The following SALL3 variants were observed in gnomAD, a reference collection of about 807,000 sequenced individuals.
SALL3 encodes the protein spalt like transcription factor 3.
In SALL3, 25 loss-of-function variants were observed where a neutral mutation model predicts 66.2. The ratio of observed to expected loss-of-function variants is 0.38; its 90% confidence interval spans 0.28 to 0.53. SALL3 has a LOEUF of 0.53. Among genes scored for constraint, SALL3 ranks in the 20% least tolerant of loss-of-function variants. The probability of loss-of-function intolerance (pLI) is 0.85; values close to 1 mark genes in which losing one functional copy is unlikely to be tolerated. For synonymous variants in SALL3, 1,152 were observed against 899.1 expected (o/e 1.28, Z -5.03); for missense variants, 2,194 against 1,916.5 (o/e 1.14, Z -2.70).
At chr18:78,983,190 C>T (rs938121331) in intron 1 of SALL3, among the ~76,000 whole-genome samples, 1 of 152,134 alleles carries the variant, frequency 6.6e-6, no homozygotes, top group Admixed American at 6.5e-5. Flanking sequence ...AAATTACTTA[C>T]TTGCAAATGA....
At position 78,995,279 on chromosome 18, in the gene SALL3, G is replaced by A. The variant is rs1239244210; in HGVS notation, c.3288G>A (p.Pro1096=). The A allele has an allele frequency of 6.3e-7, 1 of 1,586,410 alleles. No homozygotes were observed. The highest frequency in any genetic ancestry group is 2.3e-5 in the East Asian group (1 of 44,390). ...CCGGGCCTCAGACAGTGATGGGCCC[G>A]GGCCTGGCGCCCATGCTGGCCCCCC... ...VPAGPQTVMG[P]GLAPMLAPPP... Residue 1096 remains proline, a synonymous_variant, in exon 2 of 3, where the codon CCG becomes CCA. Transcript: ENST00000537592.
intron 1 of SALL3, among the ~76,000 whole-genome samples, chr18:78,985,884 A>G (rs1310770064): frequency 1.3e-5 from 2 of 152,252 alleles, no homozygotes; most frequent in African/African-American, 4.8e-5. Context: ...AATGTAAACC[A>G]TCTGCATCTT....
intron 2 of SALL3, among the ~76,000 whole-genome samples, chr18:78,995,942 T>G (rs1041539120): frequency 6.6e-6 from 1 of 152,124 alleles, no homozygotes; most frequent in Non-Finnish European, 1.5e-5. Context: ...TAGGCATTCC[T>G]TAGGGGTGAG....
Position 78,993,052 on chromosome 18 carries a change from C to T in SALL3, c.1061C>T (p.Ala354Val), listed in dbSNP as rs761727616. The T allele has an allele frequency of 3.8e-5, 60 of 1,582,628 alleles. No homozygotes were observed. Among genetic ancestry groups the T allele is most frequent in the Non-Finnish European group, 4.8e-5 (56 of 1,170,882 alleles). ...PALAPGSLLGAAPGLPSPLLP... is the reference protein window; with the variant it reads ...PALAPGSLLGVAPGLPSPLLP... ...CTGGCCCCGGGGTCCCTGCTGGGTG[C>T]GGCGCCCGGCCTGCCAAGTCCGCTT... The change falls in exon 2 of 3, where the codon GCG becomes GTG. Residue 354 changes from alanine to valine, a missense_variant. Physicochemically the swap from Ala to Val is moderately conservative, Grantham distance 64. Coordinates refer to ENST00000537592, the MANE Select transcript of SALL3 (RefSeq NM_171999.4).
At chr18:78,995,531 G>C in intron 2 of SALL3, 69 bp downstream of exon 2, 1 of 1,486,888 alleles carries the variant, frequency 6.7e-7, no homozygotes, top group Non-Finnish European at 8.9e-7. Flanking sequence ...TCCATCACCT[G>C]CCGCAGACAC....
In SALL3 at chr18:78,995,415, G is replaced by C. The variant is rs748568420; in HGVS notation, c.3424G>C (p.Gly1142Arg). Residue 1142 changes from glycine (G) to arginine (R), a missense_variant, in exon 2 of 3, where the codon GGC becomes CGC. Gly to Arg is a moderately radical substitution (Grantham distance 125). Coordinates refer to ENST00000537592, the MANE Select transcript of SALL3 (RefSeq NM_171999.4). ...CACGCACACCGGCGAGAAGCCGTTC[G>C]GCTGCACCATCTGCGGCCGGGCCTT... is the stretch of plus-strand genomic sequence containing the variant. ...ERTHTGEKPF[G>R]CTICGRAFTT... is the part of the protein sequence containing the mutation. 2 of 1,589,284 alleles carry C rather than the reference G, an allele frequency of 1.3e-6. No individual in the cohort carries two copies.
chr18:78,987,584 A>G (rs77134571), intron 1 of SALL3, among the ~76,000 whole-genome samples: 6 of 150,820 alleles, frequency 4.0e-5, no homozygotes, highest in African/African-American at 7.3e-5. Context: ...AATTAAATGG[A>G]AAAAAAAACT....
At chr18:78,981,272 G>C (rs1264277557) in intron 1 of SALL3, among the ~76,000 whole-genome samples, 1 of 152,184 alleles carries the variant, frequency 6.6e-6, no homozygotes, top group African/African-American at 2.4e-5. Context: ...GCGGCGCCCG[G>C]GCTTCGGCGC....
chr18:78,993,463 T>A lies in SALL3; in HGVS notation c.1472T>A (p.Val491Glu), dbSNP rs1285832702. 6.2e-7 allele frequency: 1 copy of A among 1,612,794 alleles called. No individual in the cohort carries two copies. ...PYPVPEYLDN[V>E]PTCSGIPYGM... The stretch of plus-strand genomic sequence containing the variant: ...CCGGTCCCCGAGTACCTGGACAACG[T>A]GCCCACCTGCTCGGGCATCCCCTAC... The change falls in exon 2 of 3, where the codon GTG becomes GAG. Residue 491 changes from valine (V) to glutamate (E), a missense_variant. Val to Glu is a moderately radical substitution (Grantham distance 121, BLOSUM62 -2). Transcript: ENST00000537592.
chr18:78,986,533 G>A (rs1319362792), intron 1 of SALL3, among the ~76,000 whole-genome samples: 2 of 152,096 alleles, frequency 1.3e-5, no homozygotes, highest in Non-Finnish European at 2.9e-5. Context: ...TTTCTTTATG[G>A]GATTCAAAGC....
intron 2 of SALL3, among the ~76,000 whole-genome samples, chr18:78,995,821 C>T (rs888275651): frequency 2.0e-5 from 3 of 152,004 alleles, no homozygotes; most frequent in African/African-American, 7.3e-5. Context: ...CTGTGTGTCC[C>T]TGTGCACACA....
Position 78,997,701 on chromosome 18 carries a change from G to C in SALL3, c.*379G>C, listed in dbSNP as rs1041741217. On this transcript the variant is annotated 3_prime_UTR_variant, in exon 3 of 3. Coordinates refer to ENST00000537592, the MANE Select transcript of SALL3 (RefSeq NM_171999.4). The stretch of plus-strand genomic sequence containing the variant: ...TTGATGGTTTCTTTTGAATTAGTTA[G>C]ACACTTGAACGGTGTTTTTTAGAAC... 2 of 242,888 alleles carry C rather than the reference G, an allele frequency of 8.2e-6. No homozygotes were observed. Among genetic ancestry groups the C allele is most frequent in the East Asian group, 8.3e-5 (1 of 12,052 alleles). The allele number at this position is 242,888 out of a possible 1,614,324, so 15.0% of individuals were successfully genotyped here. A position where few individuals can be genotyped will look rare whatever the true frequency, so the allele number is the denominator to read the frequency against.
rs1380716254 is a variant in SALL3, at chr18:78,992,549, C to G, written c.558C>G (p.Arg186=). The G allele has an allele frequency of 1.3e-6, 2 of 1,497,884 alleles. No homozygotes were observed. The highest frequency in any genetic ancestry group is 1.8e-6 in the Non-Finnish European group (2 of 1,130,884). 92.8% of individuals were successfully genotyped at this position (1,497,884 alleles called of 1,614,324 possible). ...VAVAQFSQGA[R]AAGGSGAGGG... ...TGGCGCAGTTCTCGCAGGGCGCGCG[C>G]GCGGCAGGCGGCTCGGGAGCAGGTG... is the stretch of plus-strand genomic sequence containing the variant. Residue 186 remains arginine (R), a synonymous_variant, in exon 2 of 3, where the codon CGC becomes CGG. Coordinates refer to ENST00000537592, the MANE Select transcript of SALL3 (RefSeq NM_171999.4).
chr18:78,985,176 A>G (rs1280319162), intron 1 of SALL3: 1 of 152,210 alleles, frequency 6.6e-6, no homozygotes, highest in African/African-American at 2.4e-5. Flanking sequence ...CAATTAGTGC[A>G]TCTGTGCTGT....
At position 78,996,971 on chromosome 18, in the gene SALL3, C is replaced by T. The variant is rs777424639; in HGVS notation, c.3552C>T (p.Leu1184=). Residue 1184 remains leucine, a synonymous_variant, in exon 3 of 3, where the codon CTC becomes CTT. Coordinates refer to ENST00000537592, the MANE Select transcript of SALL3 (RefSeq NM_171999.4). ...TGTCTGTGGAGAACCCCATGGCTCT[C>T]CTAGGGGGTGATGCCCTGAAGTTCT... ...RRLSVENPMA[L]LGGDALKFSE... is the part of the protein sequence containing the mutation. The T allele has an allele frequency of 6.2e-6, 10 of 1,613,762 alleles. No homozygotes were observed. Among genetic ancestry groups the T allele is most frequent in the Non-Finnish European group, 8.5e-6 (10 of 1,179,994 alleles).
chr18:78,997,423 T>C lies in SALL3; in HGVS notation c.*101T>C, dbSNP rs1030445642. ...TCGGTTCTCATTACACTTTCACCCA[T>C]AGCAGAAAACACTTTGTGCGGCTGC... On this transcript the variant is annotated 3_prime_UTR_variant, in exon 3 of 3. Transcript: ENST00000537592. The C allele has an allele frequency of 5.7e-6, 7 of 1,226,888 alleles. No homozygotes were observed. The highest frequency in any genetic ancestry group is 2.7e-5 in the South Asian group (2 of 73,406). 76.0% of individuals were successfully genotyped at this position (1,226,888 alleles called of 1,614,324 possible). A position where few individuals can be genotyped will look rare whatever the true frequency, so the allele number is the denominator to read the frequency against.
rs1268940150 is a variant in SALL3 at position 78,992,512 on chromosome 18, C to T, written c.521C>T (p.Thr174Ile). 6.8e-7 allele frequency: 1 copy of T among 1,481,028 alleles called. No individual in the cohort carries two copies. Among genetic ancestry groups the T allele is most frequent in the Non-Finnish European group, 8.9e-7 (1 of 1,120,902 alleles). The allele number at this position is 1,481,028 out of a possible 1,614,324, so 91.7% of individuals were successfully genotyped here. A position where few individuals can be genotyped will look rare whatever the true frequency, so the allele number is the denominator to read the frequency against. ...TNVTLEALLSTKVAVAQFSQG... is the reference protein window; with the variant it reads ...TNVTLEALLSIKVAVAQFSQG... Reference sequence around the variant, plus strand: ...GTGACCCTGGAGGCGCTGCTGAGCACCAAGGTGGCGGTGGCGCAGTTCTCG... The same window carrying T: ...GTGACCCTGGAGGCGCTGCTGAGCATCAAGGTGGCGGTGGCGCAGTTCTCG... Residue 174 changes from threonine to isoleucine, a missense_variant, in exon 2 of 3, where the codon ACC becomes ATC. Thr to Ile is a moderately conservative substitution (Grantham distance 89, BLOSUM62 -1). Transcript: ENST00000537592.
In SALL3 at chr18:78,993,752, C is replaced by T. The variant is rs752063424; in HGVS notation, c.1761C>T (p.Leu587=). Residue 587 remains leucine (L), a synonymous_variant, in exon 2 of 3, where the codon CTC becomes CTT. Transcript: ENST00000537592. ...VSATAESPQS[L]LGGPPLTKAE... ...CCACCGCCGAGTCCCCACAGTCGCT[C>T]CTCGGCGGGCCGCCCCTCACTAAAG... The T allele has an allele frequency of 7.1e-6, 11 of 1,543,168 alleles. No homozygotes were observed. The African/African-American group carries it at 1.1e-4, about 15-fold the overall frequency.
intron 1 of SALL3, among the ~76,000 whole-genome samples, chr18:78,981,829 G>T (rs1259446536): frequency 6.6e-6 from 1 of 151,918 alleles, no homozygotes; most frequent in Non-Finnish European, 1.5e-5. Flanking sequence ...GTTTTGTATC[G>T]CCCTCAATGA....
Sources: gnomAD v4.1 joint callset for allele counts (sites outside exome capture counted in the v4.1 genomes callset) on GRCh38, gnomAD v4.1.1 for gene constraint, MANE v1.5 for transcripts, NCBI Gene and HGNC (gene_info 2026-07-23, HGNC 2026-07-21) for gene names.